The following EPHB1 variants were observed in gnomAD, a reference collection of about 807,000 sequenced individuals.
EPHB1 encodes the protein EPH receptor B1, also known as ephrin type-B receptor 1.
EPHB1 carries 30 observed loss-of-function variants against 94.4 expected under a neutral mutation model. The ratio of observed to expected loss-of-function variants is 0.32; its 90% CI spans 0.24 to 0.43. EPHB1 has a LOEUF of 0.43. EPHB1 is among the 20% of genes least tolerant of loss of function. The pLI is 1.00. For synonymous variants in EPHB1, 522 were observed against 489.1 expected (o/e 1.07, Z -0.89); for missense variants, 1,055 against 1,308.3 (o/e 0.81, Z 2.99).
In EPHB1 at chr3:135,248,525, C is replaced by T. The variant is rs1298829245; in HGVS notation, c.2690+16C>T. On this transcript the variant is annotated intron_variant, in intron 14 of 15. Coordinates refer to ENST00000398015, the MANE Select transcript of EPHB1 (RefSeq NM_004441.5). ...TCACCGCCGTGTGAGTCTAGTGAAA[C>T]GGTGATCCCTAAATATGGCTGGTTT... 1.3e-5 allele frequency: 21 copies of T among 1,566,046 alleles called. No homozygotes were observed. The highest frequency in any genetic ancestry group is 4.1e-5 in the African/African-American group (3 of 73,868).
intron 4 of EPHB1, among the ~76,000 whole-genome samples, chr3:135,112,341 T>C (rs1939480259): frequency 6.6e-6 from 1 of 152,172 alleles, no homozygotes; most frequent in Non-Finnish European, 1.5e-5. Flanking sequence ...GTGTTGTAAA[T>C]TGGGGACTGC....
At chr3:135,044,603 T>A (rs1384555066) in intron 3 of EPHB1, among the ~76,000 whole-genome samples, 1 of 152,202 alleles carries the variant, frequency 6.6e-6, no homozygotes, top group Non-Finnish European at 1.5e-5. Flanking sequence ...TGGCCTTAAA[T>A]GGAGGCAAAA....
intron 1 of EPHB1, among the ~76,000 whole-genome samples, chr3:134,838,038 G>A (rs911913287): frequency 6.6e-6 from 1 of 152,138 alleles, no homozygotes; most frequent in African/African-American, 2.4e-5. Flanking sequence ...TGCCTGGGTG[G>A]GCTCAGCTCC....
chr3:134,812,810 C>T (rs901765841), intron 1 of EPHB1, among the ~76,000 whole-genome samples: 1 of 152,200 alleles, frequency 6.6e-6, no homozygotes, highest in Non-Finnish European at 1.5e-5. Context: ...TGGTGGGTGT[C>T]TCATGGCATC....
intron 1 of EPHB1, among the ~76,000 whole-genome samples, chr3:134,856,210 G>C (rs1439016074): frequency 1.3e-5 from 2 of 152,194 alleles, no homozygotes; most frequent in African/African-American, 2.4e-5. Flanking sequence ...GTCTAGACAG[G>C]TTTATGGGCA....
At chr3:134,931,906 T>G (rs530760104) in intron 2 of EPHB1, among the ~76,000 whole-genome samples, 2 of 152,222 alleles carry the variant, frequency 1.3e-5, no homozygotes, top group Non-Finnish European at 2.9e-5. Context: ...ATGTATATAG[T>G]GTATATATGT....
chr3:134,924,923 G>C (rs1191437751), intron 1 of EPHB1, among the ~76,000 whole-genome samples: 1 of 152,234 alleles, frequency 6.6e-6, no homozygotes, highest in East Asian at 1.9e-4. Flanking sequence ...TTAGGAGCAG[G>C]AGGAAGAAAA....
At chr3:135,031,988 TG>T (rs1375584162) in intron 3 of EPHB1, among the ~76,000 whole-genome samples, 1 of 152,112 alleles carries the variant, frequency 6.6e-6, no homozygotes, top group Non-Finnish European at 1.5e-5. Flanking sequence ...ATTTTGTTTT[TG>T]GGTTTGGTTT....
intron 1 of EPHB1, among the ~76,000 whole-genome samples, chr3:134,820,096 A>G (rs2036352133): frequency 6.7e-6 from 1 of 149,452 alleles, no homozygotes; most frequent in African/African-American, 2.4e-5. Flanking sequence ...CCATACTAGT[A>G]GACCCTGTTG....
chr3:135,065,787 T>C (rs1937573205), intron 3 of EPHB1, among the ~76,000 whole-genome samples: 1 of 152,212 alleles, frequency 6.6e-6, no homozygotes, highest in African/African-American at 2.4e-5. Flanking sequence ...TTTTGTTTTA[T>C]AGGTTCTGTG....
intron 12 of EPHB1, among the ~76,000 whole-genome samples, chr3:135,213,452 C>G (rs1943075715): frequency 6.6e-6 from 1 of 152,202 alleles, no homozygotes; most frequent in South Asian, 2.1e-4. Flanking sequence ...TCCCATGCTT[C>G]TGTTATAGAC....
At chr3:134,896,497 A>G (rs2038089804) in intron 1 of EPHB1, among the ~76,000 whole-genome samples, 1 of 152,176 alleles carries the variant, frequency 6.6e-6, no homozygotes, top group South Asian at 2.1e-4. Flanking sequence ...TATTACTGTT[A>G]TTATTCAGAC....
intron 15 of EPHB1, among the ~76,000 whole-genome samples, chr3:135,254,893 A>C (rs376757036): frequency 6.6e-5 from 10 of 152,224 alleles, no homozygotes; most frequent in Admixed American, 2.6e-4. Context: ...ACAATTTCAG[A>C]TCCTGTTATT....
At chr3:135,240,252 T>C (rs1394430415) in intron 12 of EPHB1, among the ~76,000 whole-genome samples, 1 of 152,200 alleles carries the variant, frequency 6.6e-6, no homozygotes, top group Non-Finnish European at 1.5e-5. Context: ...CTGGCTTATT[T>C]CTGGGACATC....
At chr3:135,183,243 CCTTT>C (rs1482439023) in intron 10 of EPHB1, among the ~76,000 whole-genome samples, 2 of 112,392 alleles carry the variant, frequency 1.8e-5, no homozygotes, top group Admixed American at 9.6e-5. Context: ...TCCCTCCCTC[CCTTT>C]CTTCCTTCCT....
chr3:135,109,264 T>G (rs1939344155), intron 4 of EPHB1, among the ~76,000 whole-genome samples: 1 of 152,234 alleles, frequency 6.6e-6, no homozygotes, highest in Non-Finnish European at 1.5e-5. Context: ...AGATGGGCTT[T>G]GGCACTTCAG....
At chr3:134,830,550 G>C (rs1385721051) in intron 1 of EPHB1, among the ~76,000 whole-genome samples, 1 of 152,194 alleles carries the variant, frequency 6.6e-6, no homozygotes, top group Non-Finnish European at 1.5e-5. Context: ...GGGCCGAGGA[G>C]CATGGCAGGT....
At chr3:135,137,316 C>A (rs1940656781) in intron 5 of EPHB1, among the ~76,000 whole-genome samples, 1 of 152,196 alleles carries the variant, frequency 6.6e-6, no homozygotes, top group Non-Finnish European at 1.5e-5. Context: ...GCATGCCCAG[C>A]ACTGCCTGAT....
At chr3:134,797,820 C>T (rs1467873565) in intron 1 of EPHB1, among the ~76,000 whole-genome samples, 1 of 152,178 alleles carries the variant, frequency 6.6e-6, no homozygotes, top group Non-Finnish European at 1.5e-5. Context: ...CTGAAAATCT[C>T]TCCAGCAAGG....
Sources: allele counts gnomAD v4.1 joint callset (sites outside exome capture counted in the v4.1 genomes callset), GRCh38; gene constraint gnomAD v4.1.1; transcripts MANE v1.5; gene names NCBI Gene and HGNC (gene_info 2026-07-23, HGNC 2026-07-21).